The following HS2ST1 variants were observed in gnomAD, a reference collection of about 807,000 sequenced individuals.
HS2ST1 encodes the protein heparan sulfate 2-O-sulfotransferase 1, also known as 2-O-sulfotransferase.
HS2ST1 carries 18 observed loss-of-function variants against 42.9 expected under a neutral mutation model. That is an observed-to-expected ratio of 0.42 (90% confidence interval 0.29 to 0.62). The LOEUF (loss-of-function observed/expected upper bound fraction) is 0.62, where lower values mean the gene tolerates loss of function less well. Ranked by LOEUF, HS2ST1 falls within the 20% of genes least tolerant of loss-of-function variation. The pLI is 0.21. For synonymous variants in HS2ST1, 146 were observed against 152.9 expected, an observed-to-expected ratio of 0.95 and a Z score of 0.33; for missense variants, 334 against 433.8, an observed-to-expected ratio of 0.77 and a Z score of 2.04.
rs78038893 is a variant in HS2ST1, at chr1:87,000,933, C to G, written c.125-72001C>G. 9.6e-3 allele frequency among the ~76,000 whole-genome samples: 1,469 copies of G among 152,254 alleles called. 21 individuals carry two copies. Among genetic ancestry groups the G allele is most frequent in the South Asian group, 0.013 (63 of 4,826 alleles). ...AGAGATATTTAAGATACCAGTCCCT[C>G]AGAATCAAAATTAATGCCTGCAGTA... On this transcript the variant is annotated intron_variant, in intron 1 of 6. Coordinates refer to ENST00000370550, the MANE Select transcript of HS2ST1 (RefSeq NM_012262.4).
At chr1:86,943,428 C>G (rs952315631) in intron 1 of HS2ST1, among the ~76,000 whole-genome samples, 1 of 152,142 alleles carries the variant, frequency 6.6e-6, no homozygotes, top group Non-Finnish European at 1.5e-5. Flanking sequence ...AATTAACATT[C>G]TTTTTAGTCC....
intron 1 of HS2ST1, among the ~76,000 whole-genome samples, chr1:86,997,202 GT>G (rs1649127845): frequency 6.6e-6 from 1 of 152,152 alleles, no homozygotes; most frequent in South Asian, 2.1e-4. Context: ...AATCGTGGGG[GT>G]TGGGGGTGAG....
intron 1 of HS2ST1, among the ~76,000 whole-genome samples, chr1:86,926,923 G>A (rs922921976): frequency 4.6e-5 from 7 of 152,122 alleles, no homozygotes; most frequent in Non-Finnish European, 1.0e-4. Context: ...TTAATTCTTT[G>A]AAGTGTTATC....
At chr1:87,069,729 TTGAA>T (rs1215837233) in intron 1 of HS2ST1, among the ~76,000 whole-genome samples, 24 of 152,206 alleles carry the variant, frequency 1.6e-4, no homozygotes, top group Admixed American at 5.2e-4. Context: ...TAAATACTAT[TTGAA>T]TGAGGAAAGT....
rs560325249 is a variant in HS2ST1 at position 87,046,182 on chromosome 1, G to A, written c.125-26752G>A. ...TGTTAATAGAGTGTGCCTGGCAGCT[G>A]TTGTTCCTCTTATTGAAAGTGGAAC... On this transcript the variant is annotated intron_variant, in intron 1 of 6. Transcript: ENST00000370550. 7.2e-6 allele frequency: 6 copies of A among 837,236 alleles called. No individual in the cohort carries two copies. The African/African-American group carries it at 8.4e-5, about 12-fold the overall frequency. 51.9% of individuals were successfully genotyped at this position (837,236 alleles called of 1,614,324 possible).
rs944304010 is a variant in HS2ST1 at position 87,001,272 on chromosome 1, A to G, written c.125-71662A>G. On this transcript the variant is annotated intron_variant, in intron 1 of 6. Transcript: ENST00000370550. ...GCTTATCTTTTTGAACCAAGTTCCT[A>G]TCTCCCCAAAATACCATGTAATCTT... 1.6e-4 allele frequency among the ~76,000 whole-genome samples: 25 copies of G among 152,284 alleles called. No homozygotes were observed. The South Asian group carries it at 1.9e-3, about 11-fold the overall frequency.
intron 1 of HS2ST1, among the ~76,000 whole-genome samples, chr1:86,974,294 G>A (rs1169561191): frequency 6.6e-6 from 1 of 152,110 alleles, no homozygotes; most frequent in African/African-American, 2.4e-5. Flanking sequence ...ATACCTACAT[G>A]ATGAATGCTA....
At chr1:86,963,054 A>G (rs1647897966) in intron 1 of HS2ST1, among the ~76,000 whole-genome samples, 1 of 152,168 alleles carries the variant, frequency 6.6e-6, no homozygotes, top group East Asian at 1.9e-4. Flanking sequence ...CAGGGGGCTA[A>G]TTCTCTATTA....
rs1652369263 is a variant in HS2ST1 at position 87,108,097 on chromosome 1, A to G, written c.*3401A>G. ...TGGTGCCATCAGTGATTTACAAACAATATTTTGATATTGCAGATGACTTGC... is the reference window on the plus strand; with the variant it reads ...TGGTGCCATCAGTGATTTACAAACAGTATTTTGATATTGCAGATGACTTGC... On this transcript the variant is annotated 3_prime_UTR_variant, in exon 7 of 7. Coordinates refer to ENST00000370550, the MANE Select transcript of HS2ST1 (RefSeq NM_012262.4). 6.6e-6 allele frequency: 1 copy of G among 152,112 alleles called. No homozygotes were observed. The highest frequency in any genetic ancestry group is 2.4e-5 in the African/African-American group (1 of 41,448). The allele number at this position is 152,112 out of a possible 1,614,324, so 9.4% of individuals were successfully genotyped here. A position where few individuals can be genotyped will look rare whatever the true frequency, so the allele number is the denominator to read the frequency against.
chr1:86,927,332 A>G (rs1047351425), intron 1 of HS2ST1, among the ~76,000 whole-genome samples: 2 of 152,190 alleles, frequency 1.3e-5, no homozygotes, highest in African/African-American at 4.8e-5. Context: ...TGCTAAAGGT[A>G]GTTAGGTTGT....
intron 1 of HS2ST1, among the ~76,000 whole-genome samples, chr1:86,959,842 A>T (rs1291296119): frequency 6.6e-6 from 1 of 152,246 alleles, no homozygotes; most frequent in African/African-American, 2.4e-5. Context: ...AGGCAGACTC[A>T]ATATTGTTAA....
chr1:87,011,375 T>C (rs1649593906), intron 1 of HS2ST1, among the ~76,000 whole-genome samples: 1 of 152,104 alleles, frequency 6.6e-6, no homozygotes, highest in African/African-American at 2.4e-5. Flanking sequence ...TCCCAACAGC[T>C]GGGACCACAG....
chr1:87,039,611 G>A (rs2100603245), intron 1 of HS2ST1, among the ~76,000 whole-genome samples: 1 of 152,320 alleles, frequency 6.6e-6, no homozygotes, highest in African/African-American at 2.4e-5. Context: ...ATCCAGGACA[G>A]GTGTCATCCA....
intron 1 of HS2ST1, among the ~76,000 whole-genome samples, chr1:86,921,909 G>A (rs1039635606): frequency 1.3e-5 from 2 of 152,072 alleles, no homozygotes; most frequent in Non-Finnish European, 2.9e-5. Context: ...ACCTACTTGT[G>A]TATTTATATT....
At chr1:86,985,294 G>A (rs1365681575) in intron 1 of HS2ST1, among the ~76,000 whole-genome samples, 2 of 147,752 alleles carry the variant, frequency 1.4e-5, no homozygotes, top group Non-Finnish European at 3.0e-5. Context: ...GGTGGAGCTT[G>A]CAGTGAGCCG....
intron 1 of HS2ST1, among the ~76,000 whole-genome samples, chr1:87,062,858 T>C (rs1651151040): frequency 6.6e-6 from 1 of 152,204 alleles, no homozygotes; most frequent in African/African-American, 2.4e-5. Context: ...TCCTATTGGC[T>C]CCATGGTTCG....
intron 1 of HS2ST1, among the ~76,000 whole-genome samples, chr1:86,943,465 C>A (rs1213311379): frequency 6.6e-6 from 1 of 152,030 alleles, no homozygotes. Flanking sequence ...GCCTTTAATC[C>A]CAGCACTTTG....
chr1:86,997,948 C>T (rs1038214076), intron 1 of HS2ST1, among the ~76,000 whole-genome samples: 2 of 152,050 alleles, frequency 1.3e-5, no homozygotes, highest in African/African-American at 4.8e-5. Context: ...TAATTAAAAC[C>T]ATGGGTCGTG....
intron 1 of HS2ST1, chr1:87,046,072 T>C: frequency 3.0e-6 from 2 of 664,874 alleles, no homozygotes; most frequent in Non-Finnish European, 5.8e-6. Context: ...CATGACAGCA[T>C]CATGAACCCT....
Sources: gnomAD v4.1 joint callset for allele counts (sites outside exome capture counted in the v4.1 genomes callset) on GRCh38, gnomAD v4.1.1 for gene constraint, MANE v1.5 for transcripts, NCBI Gene and HGNC (gene_info 2026-07-23, HGNC 2026-07-21) for gene names.